DENND5B: variants seen among roughly 807,000 people sequenced by gnomAD.
DENND5B encodes DENN domain-containing protein 5B.
In DENND5B, 34 loss-of-function variants were observed where a neutral mutation model predicts 140.6. That is an observed-to-expected ratio of 0.24 (90% CI 0.18 to 0.32). The LOEUF (loss-of-function observed/expected upper bound fraction) is 0.32. Ranked by LOEUF, DENND5B falls within the 10% of genes least tolerant of loss-of-function variation. The pLI is 1.00. For synonymous variants in DENND5B, 551 were observed against 562.1 expected, an observed-to-expected ratio of 0.98 and a Z score of 0.28; for missense variants, 1,142 against 1,560.2, an observed-to-expected ratio of 0.73 and a Z score of 4.52.
intron 1 of DENND5B, among the ~76,000 whole-genome samples, chr12:31,514,687 C>T (rs577647023): frequency 2.0e-5 from 3 of 152,044 alleles, no homozygotes; most frequent in East Asian, 1.9e-4. Context: ...TGTGGTGGCG[C>T]GTGCCTGTAA....
chr12:31,482,941 T>C (rs541671510), intron 2 of DENND5B, among the ~76,000 whole-genome samples: 12 of 152,354 alleles, frequency 7.9e-5, no homozygotes, highest in Admixed American at 1.3e-4. Context: ...AGGGAAGCCC[T>C]GCATGACTCA....
chr12:31,522,508 G>A (rs756327402), intron 1 of DENND5B, among the ~76,000 whole-genome samples: 1 of 152,116 alleles, frequency 6.6e-6, no homozygotes, highest in East Asian at 1.9e-4. Flanking sequence ...GCAGTGGCAC[G>A]ATCTAGCTCA....
At chr12:31,519,481 G>C (rs1441043437) in intron 1 of DENND5B, among the ~76,000 whole-genome samples, 1 of 152,144 alleles carries the variant, frequency 6.6e-6, no homozygotes, top group Admixed American at 6.5e-5. Flanking sequence ...TCATCTGCTG[G>C]ATTCAGTCTG....
chr12:31,385,638 T>G lies in DENND5B; in HGVS notation c.*1965A>C, dbSNP rs1449017391. The G allele has an allele frequency of 6.6e-6, 1 of 152,198 alleles. No homozygotes were observed. The highest frequency in any genetic ancestry group is 1.5e-5 in the Non-Finnish European group (1 of 68,046). 9.4% of individuals were successfully genotyped at this position (152,198 alleles called of 1,614,324 possible). A position where few individuals can be genotyped will look rare whatever the true frequency, so the allele number is the denominator to read the frequency against. ...ACACTTTAGCTTCAGGCAAACAAAT[T>G]TCTGGTGTACCCAGAACCATTTTCT... On this transcript the variant is annotated 3_prime_UTR_variant, in exon 21 of 21. Transcript: ENST00000389082.
At chr12:31,462,039 T>G (rs1429228612) in intron 3 of DENND5B, among the ~76,000 whole-genome samples, 3 of 152,204 alleles carry the variant, frequency 2.0e-5, no homozygotes, top group African/African-American at 7.2e-5. Flanking sequence ...CTTAAAATTT[T>G]CCTTATTTGA....
At chr12:31,443,657 G>A (rs982723496) in intron 6 of DENND5B, 5 of 152,110 alleles carry the variant, frequency 3.3e-5, no homozygotes, top group Non-Finnish European at 7.4e-5. Flanking sequence ...AAGAGAAGAC[G>A]CAAGCACAAT....
intron 1 of DENND5B, among the ~76,000 whole-genome samples, chr12:31,580,345 A>C (rs189510276): frequency 3.3e-5 from 5 of 152,346 alleles, no homozygotes; most frequent in South Asian, 2.1e-4. Context: ...AATACATTTT[A>C]TAGTTGAAAG....
At position 31,424,604 on chromosome 12, in the gene DENND5B, C is replaced by T. The variant is rs750774894; in HGVS notation, c.2322G>A (p.Glu774=). ...HGEANITGLE[E]NTLIASLCDL... ...CACAAAGGCTGGCGATCAAGGTGTT[C>T]TCCTCCAGGCCGGTGATGTTTGCTT... Residue 774 remains glutamate, a synonymous_variant, in exon 10 of 21, where the codon GAG becomes GAA. Transcript: ENST00000389082. The T allele has an allele frequency of 1.9e-6, 3 of 1,613,842 alleles. No homozygotes were observed. The highest frequency in any genetic ancestry group is 2.7e-5 in the African/African-American group (2 of 74,928).
At chr12:31,536,999 G>C (rs1948519266) in intron 1 of DENND5B, among the ~76,000 whole-genome samples, 2 of 152,122 alleles carry the variant, frequency 1.3e-5, no homozygotes, top group African/African-American at 4.8e-5. Context: ...TTCAAACATA[G>C]AGAAATAAAG....
chr12:31,529,595 T>TG (rs1312343740), intron 1 of DENND5B, among the ~76,000 whole-genome samples: 1 of 151,710 alleles, frequency 6.6e-6, no homozygotes, highest in Non-Finnish European at 1.5e-5. Flanking sequence ...GAGACCAAGG[T>TG]GGGGGGATCG....
intron 6 of DENND5B, among the ~76,000 whole-genome samples, chr12:31,447,208 T>A (rs545746759): frequency 7.2e-5 from 11 of 152,052 alleles, no homozygotes; most frequent in Non-Finnish European, 1.2e-4. Flanking sequence ...GAGGCGGAGG[T>A]TGCAGTGAGT....
chr12:31,409,004 G>A (rs1804325242), intron 14 of DENND5B, among the ~76,000 whole-genome samples: 1 of 152,190 alleles, frequency 6.6e-6, no homozygotes, highest in African/African-American at 2.4e-5. Context: ...GTTCAGTCAT[G>A]GGATGCTGGC....
At chr12:31,392,152 GA>G (rs750612261) in intron 19 of DENND5B, 114 bp downstream of exon 19, 164 of 1,038,134 alleles carry the variant, frequency 1.6e-4, no homozygotes, top group Middle Eastern at 7.2e-4. Flanking sequence ...AAAAAAAAAA[GA>G]AAAAAAATAT....
chr12:31,499,336 CTAAA>C (rs1203516428), intron 1 of DENND5B, among the ~76,000 whole-genome samples: 5 of 152,210 alleles, frequency 3.3e-5, no homozygotes, highest in African/African-American at 4.8e-5. Context: ...TAACCTCCTA[CTAAA>C]TTGAAGCTGC....
At chr12:31,588,619 G>A (rs1428763358) in intron 1 of DENND5B, among the ~76,000 whole-genome samples, 1 of 152,194 alleles carries the variant, frequency 6.6e-6, no homozygotes, top group Admixed American at 6.5e-5. Flanking sequence ...AATGTTCATA[G>A]GTTATATACA....
intron 1 of DENND5B, among the ~76,000 whole-genome samples, chr12:31,499,892 C>T (rs1408826607): frequency 6.6e-6 from 1 of 152,168 alleles, no homozygotes; most frequent in East Asian, 1.9e-4. Context: ...AAGTGAAATG[C>T]TATTAAATAT....
At chr12:31,500,448 G>A (rs765203314) in intron 1 of DENND5B, 76 of 444,770 alleles carry the variant, frequency 1.7e-4, no homozygotes, top group Non-Finnish European at 2.9e-4. Flanking sequence ...GGGAGGCCGA[G>A]GCAGGTGAAT....
At chr12:31,454,812 C>CTTTTTTTTTTTTTTTT (rs201720111) in intron 4 of DENND5B, among the ~76,000 whole-genome samples, 1 of 93,884 alleles carries the variant, frequency 1.1e-5, no homozygotes, top group Non-Finnish European at 1.9e-5. Flanking sequence ...GATTCAGTAT[C>CTTTTTTTTTTTTTTTT]TTTTTTTTTT....
intron 15 of DENND5B, among the ~76,000 whole-genome samples, chr12:31,401,494 T>C (rs1353467755): frequency 6.6e-6 from 1 of 152,168 alleles, no homozygotes; most frequent in African/African-American, 2.4e-5. Flanking sequence ...ATTCAGTTCG[T>C]ACCATTTCCT....
Sources: gnomAD v4.1 joint callset for allele counts (sites outside exome capture counted in the v4.1 genomes callset) on GRCh38, gnomAD v4.1.1 for gene constraint, MANE v1.5 for transcripts, NCBI Gene and HGNC (gene_info 2026-07-23, HGNC 2026-07-21) for gene names.